PTPRD: variants seen among roughly 807,000 people sequenced by gnomAD.
PTPRD encodes receptor-type tyrosine-protein phosphatase delta.
In PTPRD, 34 loss-of-function variants were observed where a neutral mutation model predicts 214.5. The observed-to-expected ratio is 0.16, with a 90% CI of 0.12 to 0.21. PTPRD has a LOEUF of 0.21. PTPRD is among the 10% of genes least tolerant of loss of function. The pLI is 1.00. For missense variants in PTPRD, 2,545 were observed against 2,398.7 expected (o/e 1.06, Z -1.27); for synonymous variants, 1,128 against 845.7 (o/e 1.33, Z -5.79).
rs1396307265 is a variant in PTPRD, at chr9:9,613,122, GTATACATACATACA to G, written c.-286-38355_-286-38342del. ...CCATACATATAATAGCTAGGCTGCAGTATACATACATACATATATATATATATATATATATATAT... is the reference window on the plus strand; with the variant it reads ...CCATACATATAATAGCTAGGCTGCAGTATATATATATATATATATATATAT... On this transcript the variant is annotated intron_variant, in intron 7 of 45. Coordinates refer to ENST00000381196, the MANE Select transcript of PTPRD (RefSeq NM_002839.4). 1.3e-3 allele frequency among the ~76,000 whole-genome samples: 87 copies of G among 68,146 alleles called. 2 individuals are homozygous for G. Among genetic ancestry groups the G allele is most frequent in the African/African-American group, 7.1e-3 (83 of 11,740 alleles). The allele number at this position is 68,146 out of a possible 152,430, so 44.7% of individuals were successfully genotyped here. A position where few individuals can be genotyped will look rare whatever the true frequency, so the allele number is the denominator to read the frequency against.
intron 4 of PTPRD, among the ~76,000 whole-genome samples, chr9:9,989,427 C>G (rs574336304): frequency 5.9e-5 from 9 of 152,138 alleles, no homozygotes; most frequent in African/African-American, 2.2e-4. Flanking sequence ...GAAGAAGCAG[C>G]TGGATGTTGG....
At chr9:9,809,402 G>A (rs975390264) in intron 5 of PTPRD, among the ~76,000 whole-genome samples, 2 of 151,330 alleles carry the variant, frequency 1.3e-5, no homozygotes, top group African/African-American at 4.9e-5. Flanking sequence ...CAAGTAGCTG[G>A]GACTACAGGT....
rs2136306951 is a variant in PTPRD, at chr9:8,492,924, G to A, written c.2405C>T (p.Ala802Val). The A allele has an allele frequency of 6.2e-7, 1 of 1,613,866 alleles. No individual in the cohort carries two copies. Among genetic ancestry groups the A allele is most frequent in the Non-Finnish European group, 8.5e-7 (1 of 1,179,822 alleles). Residue 802 changes from alanine (A) to valine (V), a missense_variant, in exon 27 of 46, where the codon GCC (alanine) becomes GTC (valine). Transcript: ENST00000381196. ...AGCACCATCTCCTTTGGTTGTGTAG[G>A]CTGTGACGGTGAGGGAGTAGGAAGT... ...PETSYSLTVT[A>V]YTTKGDGARS... is the part of the protein sequence containing the mutation.
At chr9:9,490,137 CA>C (rs1288216829) in intron 8 of PTPRD, among the ~76,000 whole-genome samples, 7 of 152,100 alleles carry the variant, frequency 4.6e-5, no homozygotes, top group Non-Finnish European at 8.8e-5. Context: ...AATTGCCAAA[CA>C]AGAATGCTAT....
At chr9:8,923,824 T>C (rs1015908447) in intron 11 of PTPRD, among the ~76,000 whole-genome samples, 2 of 152,186 alleles carry the variant, frequency 1.3e-5, no homozygotes, top group African/African-American at 4.8e-5. Context: ...ACCTCGAGTG[T>C]AATGGCTTTG....
At chr9:9,480,829 G>A (rs182735427) in intron 8 of PTPRD, among the ~76,000 whole-genome samples, 11 of 152,130 alleles carry the variant, frequency 7.2e-5, no homozygotes, top group East Asian at 3.9e-4. Flanking sequence ...CATGTGGTAC[G>A]TGGACTGTCT....
At chr9:9,778,676 C>T (rs1175275574) in intron 5 of PTPRD, among the ~76,000 whole-genome samples, 2 of 152,056 alleles carry the variant, frequency 1.3e-5, no homozygotes, top group African/African-American at 4.8e-5. Flanking sequence ...CCTTAGCAGC[C>T]CAGCCTGAAT....
rs548427942 is a variant in PTPRD at position 8,679,103 on chromosome 9, T to C, written c.65-42259A>G. Among the ~76,000 whole-genome samples the C allele has an allele frequency of 9.5e-4, 144 of 152,244 alleles. 1 individual carries two copies. The highest frequency in any genetic ancestry group is 3.4e-3 in the African/African-American group (143 of 41,538). ...GAAATGGAAGGTGGTAGTACAGGAA[T>C]AGCAACCATTAGCCTCAACAGCCTA... On this transcript the variant is annotated intron_variant, in intron 12 of 45. Transcript: ENST00000381196.
At chr9:9,948,072 AG>A (rs1352913320) in intron 4 of PTPRD, among the ~76,000 whole-genome samples, 1 of 152,040 alleles carries the variant, frequency 6.6e-6, no homozygotes, top group Non-Finnish European at 1.5e-5. Context: ...AAAAGGAGAA[AG>A]CTCAGAACAT....
At chr9:9,334,105 T>C (rs1285623313) in intron 9 of PTPRD, among the ~76,000 whole-genome samples, 1 of 152,028 alleles carries the variant, frequency 6.6e-6, no homozygotes, top group Non-Finnish European at 1.5e-5. Flanking sequence ...GTATACTTCA[T>C]ATTAAGTTTT....
At chr9:9,848,754 A>G (rs893587646) in intron 5 of PTPRD, among the ~76,000 whole-genome samples, 1 of 152,162 alleles carries the variant, frequency 6.6e-6, no homozygotes, top group African/African-American at 2.4e-5. Flanking sequence ...AATTTTCAAA[A>G]GTGTGCTCAT....
chr9:8,508,533 G>A (rs544932885), intron 21 of PTPRD, among the ~76,000 whole-genome samples: 7 of 151,922 alleles, frequency 4.6e-5, no homozygotes, highest in Non-Finnish European at 7.4e-5. Context: ...CTGAACATAT[G>A]TTCATATTCC....
intron 11 of PTPRD, among the ~76,000 whole-genome samples, chr9:8,804,926 T>G (rs1318014427): frequency 6.6e-6 from 1 of 152,162 alleles, no homozygotes. Flanking sequence ...TTTCTAAATT[T>G]GAAAGAGAAT....
chr9:10,544,830 T>A (rs950924381), intron 2 of PTPRD, among the ~76,000 whole-genome samples: 4 of 152,172 alleles, frequency 2.6e-5, no homozygotes, highest in African/African-American at 9.6e-5. Flanking sequence ...TACATTTCAA[T>A]GACAAAATAA....
At chr9:8,555,818 A>G (rs1011613076) in intron 14 of PTPRD, among the ~76,000 whole-genome samples, 1 of 152,064 alleles carries the variant, frequency 6.6e-6, no homozygotes, top group Non-Finnish European at 1.5e-5. Flanking sequence ...TTGCAGATGG[A>G]CTGAAAGTGG....
rs150218731 is a variant in PTPRD at position 10,598,591 on chromosome 9, C to T, written c.-600+13807G>A. On this transcript the variant is annotated intron_variant, in intron 2 of 45. Transcript: ENST00000381196. ...TTCACCTTTACTTCTGAGAAATTTG[C>T]CATAAGAATTTGGCATTCAACATTA... Among the ~76,000 whole-genome samples the T allele has an allele frequency of 8.1e-4, 123 of 151,592 alleles. 1 individual carries two copies. The East Asian group carries it at 0.023, about 29-fold the overall frequency.
chr9:8,530,647 C>T (rs1053552911), intron 14 of PTPRD, among the ~76,000 whole-genome samples: 9 of 152,016 alleles, frequency 5.9e-5, no homozygotes, highest in African/African-American at 2.2e-4. Flanking sequence ...GATTCCTAAG[C>T]CTAAGTATGA....
intron 11 of PTPRD, among the ~76,000 whole-genome samples, chr9:8,757,342 G>A (rs1018119430): frequency 2.0e-4 from 30 of 152,196 alleles, no homozygotes; most frequent in African/African-American, 5.8e-4. Flanking sequence ...GTTTGAATGA[G>A]AATATGTAGA....
At chr9:8,348,743 G>A (rs1355573126) in intron 39 of PTPRD, among the ~76,000 whole-genome samples, 1 of 152,140 alleles carries the variant, frequency 6.6e-6, no homozygotes, top group East Asian at 1.9e-4. Context: ...CCACCTCTGG[G>A]CGTTTGTGAC....
Sources: gnomAD v4.1 joint callset for allele counts (sites outside exome capture counted in the v4.1 genomes callset) on GRCh38, gnomAD v4.1.1 for gene constraint, MANE v1.5 for transcripts, NCBI Gene and HGNC (gene_info 2026-07-23, HGNC 2026-07-21) for gene names.